PHKA1: variants seen among roughly 807,000 people sequenced by gnomAD.
PHKA1 encodes phosphorylase b kinase regulatory subunit alpha, skeletal muscle isoform.
Under a neutral mutation model 110.2 loss-of-function variants are expected in PHKA1, and 60 were observed. That is an observed-to-expected ratio of 0.54 (90% CI 0.44 to 0.68). PHKA1 has a LOEUF of 0.68. PHKA1 is among the 30% of genes least tolerant of loss of function. The pLI is 0.00. For missense variants in PHKA1, 801 were observed against 942.5 expected, an observed-to-expected ratio of 0.85 and a Z score of 1.97; for synonymous variants, 316 against 333.6, an observed-to-expected ratio of 0.95 and a Z score of 0.58.
intron 5 of PHKA1, among the ~76,000 whole-genome samples, chrX:72,677,067 C>G (rs782646847): frequency 8.9e-6 from 1 of 112,326 alleles, no homozygotes; most frequent in South Asian, 3.7e-4. Context: ...CTCTTCTAAT[C>G]AGTGACAGTT....
chrX:72,665,832 G>A (rs2053610855), intron 8 of PHKA1, among the ~76,000 whole-genome samples: 1 of 111,699 alleles, frequency 9.0e-6, no homozygotes, highest in Non-Finnish European at 1.9e-5. Context: ...AAACATTTGT[G>A]TGCAGATTTT....
In PHKA1 at chrX:72,657,651, C is replaced by G; in HGVS notation, c.865-10G>C. The G allele has an allele frequency of 8.3e-7, 1 of 1,200,922 alleles. No homozygotes were observed. Among genetic ancestry groups the G allele is most frequent in the Non-Finnish European group, 1.1e-6 (1 of 886,377 alleles). On this transcript the variant is annotated splice_polypyrimidine_tract_variant and intron_variant, in intron 8 of 31. Coordinates refer to ENST00000373542, the MANE Select transcript of PHKA1 (RefSeq NM_002637.4). Reference sequence around the variant, plus strand: ...AGCAACCATAACGACCCTGGGAATACAAAGAAAAAAGGTCAGCAGCTTGTA... The same window carrying G: ...AGCAACCATAACGACCCTGGGAATAGAAAGAAAAAAGGTCAGCAGCTTGTA...
rs186046321 is a variant in PHKA1, at chrX:72,700,858, A to C, written c.285+4340T>G. On this transcript the variant is annotated intron_variant, in intron 3 of 31. Coordinates refer to ENST00000373542, the MANE Select transcript of PHKA1 (RefSeq NM_002637.4). ...AATGTTCATGAATATCAAGCAGAACAAGAAATAACTGCATGGACTGAACTA... is the reference window on the plus strand; with the variant it reads ...AATGTTCATGAATATCAAGCAGAACCAGAAATAACTGCATGGACTGAACTA... Among the ~76,000 whole-genome samples, 322 of 112,033 alleles carry C rather than the reference A, an allele frequency of 2.9e-3. 1 individual carries two copies. Among genetic ancestry groups the C allele is most frequent in the African/African-American group, 9.8e-3 (304 of 30,889 alleles).
At chrX:72,640,616 G>T (rs1200164370) in intron 14 of PHKA1, among the ~76,000 whole-genome samples, 1 of 111,591 alleles carries the variant, frequency 9.0e-6, no homozygotes. Flanking sequence ...ATAAAAGGTG[G>T]CTTCCTCTGA....
intron 17 of PHKA1, among the ~76,000 whole-genome samples, chrX:72,623,659 A>G (rs1018146739): frequency 3.6e-5 from 4 of 110,937 alleles, no homozygotes; most frequent in Non-Finnish European, 5.7e-5. Context: ...AAAATACCCA[A>G]AGGTCATTTG....
chrX:72,599,313 A>C (rs1158789839), intron 28 of PHKA1, among the ~76,000 whole-genome samples: 1 of 111,701 alleles, frequency 9.0e-6, no homozygotes, highest in Non-Finnish European at 1.9e-5. Context: ...ATTTAAACCA[A>C]ATAAATTTAA....
intron 22 of PHKA1, among the ~76,000 whole-genome samples, chrX:72,609,935 GT>G (rs782172623): frequency 3.6e-5 from 4 of 110,455 alleles, no homozygotes; most frequent in Non-Finnish European, 7.6e-5. Flanking sequence ...GGTTTATGGG[GT>G]TTTTTTCTTT....
intron 29 of PHKA1, among the ~76,000 whole-genome samples, chrX:72,592,891 C>T (rs1386013393): frequency 1.8e-5 from 2 of 112,536 alleles, no homozygotes; most frequent in Non-Finnish European, 3.8e-5. Flanking sequence ...AGAAACAAGA[C>T]TATGGCAACA....
At chrX:72,649,016 C>T (rs1325974481) in intron 13 of PHKA1, among the ~76,000 whole-genome samples, 1 of 111,587 alleles carries the variant, frequency 9.0e-6, no homozygotes, top group Non-Finnish European at 1.9e-5. Flanking sequence ...GTAGCCAGGC[C>T]TCAAAGTCTT....
intron 23 of PHKA1, among the ~76,000 whole-genome samples, chrX:72,606,648 A>G (rs2147683183): frequency 9.0e-6 from 1 of 111,178 alleles, no homozygotes; most frequent in Non-Finnish European, 1.9e-5. Flanking sequence ...GGCATTCAAC[A>G]TATAATAATC....
chrX:72,663,687 T>C (rs1186869232), intron 8 of PHKA1, among the ~76,000 whole-genome samples: 5 of 100,905 alleles, frequency 5.0e-5, no homozygotes, highest in African/African-American at 1.1e-4. Flanking sequence ...GATTTCTCAA[T>C]AGTAATCTCA....
intron 12 of PHKA1, among the ~76,000 whole-genome samples, chrX:72,651,428 T>C (rs1323653928): frequency 9.0e-6 from 1 of 110,683 alleles, no homozygotes; most frequent in Non-Finnish European, 1.9e-5. Context: ...CCTAGCTACT[T>C]GGGAGGCCAA....
intron 18 of PHKA1, chrX:72,621,611 G>T (rs1477558816): frequency 6.8e-6 from 1 of 147,070 alleles, no homozygotes; most frequent in Non-Finnish European, 1.2e-5. Flanking sequence ...AAAGTCTGCT[G>T]TATCAGTCAT....
chrX:72,674,500 T>C (rs1556310760), intron 6 of PHKA1, among the ~76,000 whole-genome samples: 1 of 112,006 alleles, frequency 8.9e-6, no homozygotes, highest in Admixed American at 9.4e-5. Context: ...ATCGCCATTC[T>C]AACTGGTGTG....
intron 29 of PHKA1, among the ~76,000 whole-genome samples, chrX:72,592,184 T>C (rs1167402648): frequency 1.8e-5 from 2 of 112,693 alleles, no homozygotes; most frequent in African/African-American, 3.2e-5. Context: ...TTTGTCACCA[T>C]TGTGCTATAG....
intron 21 of PHKA1, among the ~76,000 whole-genome samples, chrX:72,618,073 T>C (rs2052924432): frequency 8.9e-6 from 1 of 112,011 alleles, no homozygotes; most frequent in Non-Finnish European, 1.9e-5. Context: ...GAAAGCCTTA[T>C]TATGTGAGTA....
In PHKA1 at chrX:72,695,887, C is replaced by G; in HGVS notation, c.286-11G>C. The G allele has an allele frequency of 8.4e-7, 1 of 1,191,814 alleles. No individual in the cohort carries two copies. The highest frequency in any genetic ancestry group is 1.1e-6 in the Non-Finnish European group (1 of 877,490). ...TTCTACTTTATCCACCTGAAAAGAA[C>G]AAAAACATTAAAAGAAGGATATACT... On this transcript the variant is annotated splice_polypyrimidine_tract_variant and intron_variant, in intron 3 of 31. Transcript: ENST00000373542.
chrX:72,682,253 C>T, intron 5 of PHKA1, among the ~76,000 whole-genome samples: 1 of 94,730 alleles, frequency 1.1e-5, no homozygotes, highest in Non-Finnish European at 2.2e-5. Context: ...GGTCAGCCCC[C>T]CGCCCGGCCA....
intron 26 of PHKA1, 117 bp downstream of exon 26, chrX:72,603,002 T>C (rs1569427120): frequency 1.9e-6 from 1 of 527,924 alleles, no homozygotes; most frequent in Non-Finnish European, 3.3e-6. Context: ...CTGTTTTATA[T>C]ATTGGAGTTT....
Sources: gnomAD v4.1 joint callset for allele counts (sites outside exome capture counted in the v4.1 genomes callset) on GRCh38, gnomAD v4.1.1 for gene constraint, MANE v1.5 for transcripts, NCBI Gene and HGNC (gene_info 2026-07-23, HGNC 2026-07-21) for gene names.